SSPN: variants seen among roughly 807,000 people sequenced by gnomAD.
SSPN encodes the protein K-ras oncogene-associated protein.
Under a neutral mutation model 19.1 loss-of-function variants are expected in SSPN, and 15 were observed. That is an observed-to-expected ratio of 0.78 (90% CI 0.52 to 1.21). The LOEUF (loss-of-function observed/expected upper bound fraction) is 1.21. Ranked by LOEUF, SSPN falls within the 50% of genes most tolerant of loss-of-function variation. SSPN has a pLI of 0.00. For synonymous variants in SSPN, 147 were observed against 140.3 expected (o/e 1.05, Z -0.34); for missense variants, 291 against 314.0 (o/e 0.93, Z 0.55).
At chr12:26,125,283 AG>A in intron 1 of SSPN, 1 of 32,702 alleles carries the variant, frequency 3.1e-5, no homozygotes, top group Non-Finnish European at 5.2e-5. Flanking sequence ...CGGCAGGAGG[AG>A]GGGGGAGTGG....
chr12:26,123,396 C>G (rs1198438689), intron 1 of SSPN, among the ~76,000 whole-genome samples: 1 of 152,064 alleles, frequency 6.6e-6, no homozygotes, highest in South Asian at 2.1e-4. Flanking sequence ...CAAAGTGGAG[C>G]GGGTGCAACC....
At chr12:26,176,980 C>T (rs1416553075) in intron 1 of SSPN, among the ~76,000 whole-genome samples, 3 of 152,178 alleles carry the variant, frequency 2.0e-5, no homozygotes, top group Non-Finnish European at 4.4e-5. Flanking sequence ...CTTTTTATTA[C>T]CTTAAGAATA....
chr12:26,220,329 A>G (rs1468633645), intron 1 of SSPN, among the ~76,000 whole-genome samples: 1 of 152,008 alleles, frequency 6.6e-6, no homozygotes, highest in Non-Finnish European at 1.5e-5. Flanking sequence ...AAATTAAAAT[A>G]TGTTGAATAC....
At chr12:26,174,002 A>G (rs1365929171) in intron 1 of SSPN, among the ~76,000 whole-genome samples, 4 of 152,220 alleles carry the variant, frequency 2.6e-5, no homozygotes, top group African/African-American at 9.6e-5. Context: ...TTAAGTTTAT[A>G]AATTTTTTAA....
chr12:26,220,534 A>G (rs751243063), intron 1 of SSPN, among the ~76,000 whole-genome samples: 2 of 152,206 alleles, frequency 1.3e-5, no homozygotes, highest in African/African-American at 4.8e-5. Context: ...TGGGTAACTA[A>G]CTAACATAAC....
intron 1 of SSPN, chr12:26,125,280 A>G (rs1285413441): frequency 1.5e-4 from 11 of 74,410 alleles, no homozygotes; most frequent in South Asian, 6.4e-4. Context: ...AGTCGGCAGG[A>G]GGAGGGGGGA....
chr12:26,153,853 G>A (rs1483056478), intron 1 of SSPN, among the ~76,000 whole-genome samples: 7 of 152,176 alleles, frequency 4.6e-5, no homozygotes, highest in Non-Finnish European at 1.0e-4. Flanking sequence ...TAAGTTGGGA[G>A]AACTAGTACC....
chr12:26,165,784 T>A (rs567556162), intron 1 of SSPN, among the ~76,000 whole-genome samples: 1 of 152,330 alleles, frequency 6.6e-6, no homozygotes, highest in South Asian at 2.1e-4. Context: ...TGCAGAGGGA[T>A]TAACGTAATA....
At chr12:26,224,466 A>G (rs563238029) in intron 2 of SSPN, 87 bp downstream of exon 2, 8 of 1,133,446 alleles carry the variant, frequency 7.1e-6, no homozygotes, top group African/African-American at 4.6e-5. Context: ...AAGGGGTTGC[A>G]TATCTGATTA....
At position 26,233,711 on chromosome 12, in the gene SSPN, C is replaced by T. The variant is rs1591902773; in HGVS notation, c.*2635C>T. ...GGCGCCAAGATGGTGACTGTCTCCT[C>T]TAAACCACGAAAGAGTAAGATTTGT... is the stretch of plus-strand genomic sequence containing the variant. On this transcript the variant is annotated 3_prime_UTR_variant, in exon 3 of 3. Transcript: ENST00000242729. The surrounding 1 kb of genome is among the most constrained non-coding windows in gnomAD (Gnocchi z 4.3). 6.6e-6 allele frequency: 1 copy of T among 152,216 alleles called. No homozygotes were observed. Among genetic ancestry groups the T allele is most frequent in the Non-Finnish European group, 1.5e-5 (1 of 68,040 alleles). The allele number at this position is 152,216 out of a possible 1,614,324, so 9.4% of individuals were successfully genotyped here.
chr12:26,233,007 G>GAAAATAACT lies in SSPN; in HGVS notation c.*1932_*1940dup, dbSNP rs1945250988. The GAAAATAACT allele has an allele frequency of 7.2e-6, 1 of 139,030 alleles. No individual in the cohort carries two copies. Among genetic ancestry groups the GAAAATAACT allele is most frequent in the African/African-American group, 2.7e-5 (1 of 36,920 alleles). The allele number at this position is 139,030 out of a possible 1,614,324, so 8.6% of individuals were successfully genotyped here. ...TTGGTTGAGTTTCCTACACAAAGAA[G>GAAAATAACT]AAAATAACTGAGAATCTGGAATGTT... On this transcript the variant is annotated 3_prime_UTR_variant, in exon 3 of 3. Coordinates refer to ENST00000242729, the MANE Select transcript of SSPN (RefSeq NM_005086.5). The surrounding 1 kb of genome is among the most constrained non-coding windows in gnomAD (Gnocchi z 4.3).
chr12:26,206,192 G>A (rs770434303), intron 1 of SSPN, among the ~76,000 whole-genome samples: 6 of 152,226 alleles, frequency 3.9e-5, no homozygotes, highest in East Asian at 3.9e-4. Context: ...CATGGGAGGC[G>A]AGGGGGAAAT....
intron 1 of SSPN, among the ~76,000 whole-genome samples, chr12:26,209,793 AGCGTGTGTGTGT>A (rs1009712988): frequency 1.0e-5 from 1 of 97,950 alleles, no homozygotes; most frequent in Non-Finnish European, 2.0e-5. Context: ...TGATTCTTAG[AGCGTGTGTGTGT>A]GTGTGTGTGT....
intron 1 of SSPN, chr12:26,124,028 A>G: frequency 1.5e-6 from 2 of 1,308,434 alleles, no homozygotes; most frequent in Non-Finnish European, 2.2e-6. Context: ...CAGACTATTA[A>G]CACGCCCTTG....
chr12:26,213,457 C>T (rs1039225059), intron 1 of SSPN, among the ~76,000 whole-genome samples: 2 of 152,000 alleles, frequency 1.3e-5, no homozygotes, highest in African/African-American at 4.8e-5. Context: ...GGGTTTTGAA[C>T]CATTTCACTA....
chr12:26,221,568 G>A (rs1255193153), intron 1 of SSPN, among the ~76,000 whole-genome samples: 1 of 151,632 alleles, frequency 6.6e-6, no homozygotes, highest in Admixed American at 6.6e-5. Context: ...ACTTCTTTCT[G>A]GAAGCCAGGG....
chr12:26,142,786 TA>T (rs1483675542), intron 1 of SSPN, among the ~76,000 whole-genome samples: 1 of 152,178 alleles, frequency 6.6e-6, no homozygotes, highest in African/African-American at 2.4e-5. Context: ...GATGTGTGTC[TA>T]AGAGTGAGAC....
At chr12:26,154,887 G>C (rs998445713) in intron 1 of SSPN, among the ~76,000 whole-genome samples, 7 of 152,102 alleles carry the variant, frequency 4.6e-5, no homozygotes, top group South Asian at 2.1e-4. Flanking sequence ...AGTGGGGTTT[G>C]GGCCCAGGGT....
intron 1 of SSPN, chr12:26,122,167 G>A (rs1159690058): frequency 1.3e-6 from 2 of 1,534,834 alleles, no homozygotes; most frequent in Admixed American, 2.0e-5. Flanking sequence ...GTGCGGCCGT[G>A]CGGGTGCTGG....
Sources: gnomAD v4.1 joint callset for allele counts (sites outside exome capture counted in the v4.1 genomes callset) on GRCh38, gnomAD v4.1.1 for gene constraint, Gnocchi (gnomAD v3.1) non-coding constraint, MANE v1.5 for transcripts, NCBI Gene and HGNC (gene_info 2026-07-23, HGNC 2026-07-21) for gene names.